TTN: variants seen among roughly 807,000 people sequenced by gnomAD.
The protein encoded by TTN is connectin.
In TTN, 1,525 loss-of-function variants were observed where a neutral mutation model predicts 3,223.0. The ratio of observed to expected loss-of-function variants is 0.47; its 90% CI spans 0.45 to 0.49. The LOEUF is 0.49. Ranked by LOEUF, TTN falls within the 20% of genes least tolerant of loss-of-function variation. The probability of loss-of-function intolerance (pLI) is 0.00; values close to 1 mark genes in which losing one functional copy is unlikely to be tolerated. For synonymous variants in TTN, 14,094 were observed against 15,161.0 expected, an observed-to-expected ratio of 0.93 and a Z score of 5.17; for missense variants, 40,786 against 43,424.0, an observed-to-expected ratio of 0.94 and a Z score of 5.40.
At position 178,663,829 on chromosome 2, in the gene TTN, T is replaced by G. The variant is rs2065266593; in HGVS notation, c.36438A>C (p.Pro12146=). Residue 12146 remains proline, a synonymous_variant, in exon 170 of 363, where the codon CCA becomes CCC. Transcript: ENST00000589042. ...GTCAGTGGCAACTACCTTTAACAGG[T>G]GGGACTTCAGGCTCTTTAGGAGGAG... is the stretch of plus-strand genomic sequence containing the variant. The part of the protein sequence containing the change: ...PLAPPKEPEV[P]PVKVPEPPKE... 4 of 1,613,384 alleles carry G rather than the reference T, an allele frequency of 2.5e-6. No individual in the cohort carries two copies. In the South Asian group the frequency reaches 4.4e-5, roughly 18 times the overall value.
chr2:178,709,514 T>C (rs996939036), intron 99 of TTN, 52 bp downstream of exon 99: 7 of 1,551,944 alleles, frequency 4.5e-6, no homozygotes, highest in Non-Finnish European at 5.2e-6. Context: ...CATGGATATA[T>C]AACAGGCAGT....
Position 178,570,928 on chromosome 2 carries a change from T to G in TTN, c.75204A>C (p.Val25068=), listed in dbSNP as rs1485443650. 1 of 1,613,586 alleles carries G rather than the reference T, an allele frequency of 6.2e-7. No homozygotes were observed. Among genetic ancestry groups the G allele is most frequent in the Non-Finnish European group, 8.5e-7 (1 of 1,179,618 alleles). ...FTNIIDTHFE[V]TGLVEDHRYE... ...ATCTGTGATCTTCAACTAGGCCAGT[T>G]ACTTCAAAATGAGTGTCAATAATAT... The change falls in exon 326 of 363, where the codon GTA becomes GTC. Residue 25068 remains valine, a synonymous_variant. Transcript: ENST00000589042.
rs780048908 is a variant in TTN at position 178,544,414 on chromosome 2, T to C, written c.95815A>G (p.Thr31939Ala). 5.6e-6 allele frequency: 9 copies of C among 1,613,782 alleles called. No individual in the cohort carries two copies. The Admixed American group carries it at 1.5e-4, about 27-fold the overall frequency. ...AWTKPMYDGG[T>A]DIVGYVLEMQ... The stretch of plus-strand genomic sequence containing the variant: ...TCCAGAACATATCCTACAATGTCAG[T>C]ACCACCATCGTACATGGGTTTGGTC... The change falls in exon 345 of 363, where the codon ACT becomes GCT. Residue 31939 changes from threonine to alanine, a missense_variant. Coordinates refer to ENST00000589042, the MANE Select transcript of TTN (RefSeq NM_001267550.2).
intron 2 of TTN, among the ~76,000 whole-genome samples, chr2:178,802,798 G>A (rs931878944): frequency 3.9e-5 from 6 of 152,208 alleles, no homozygotes; most frequent in Non-Finnish European, 7.3e-5. Context: ...TGCCTGACAA[G>A]CCCAGGAGGC....
Position 178,612,562 on chromosome 2 carries a change from G to T in TTN, c.49963C>A (p.Pro16655Thr). The change falls in exon 266 of 363, where the codon CCA becomes ACA. Residue 16655 changes from proline (P) to threonine (T), a missense_variant. Transcript: ENST00000589042. ...CREKLYPPSPPRWLEVINITK... is the reference protein window; with the variant it reads ...CREKLYPPSPTRWLEVINITK... ...ATATTAATAACTTCAAGCCAGCGTGGTGGTGATGGAGGATCTGAAAAAGAA... is the reference window on the plus strand; with the variant it reads ...ATATTAATAACTTCAAGCCAGCGTGTTGGTGATGGAGGATCTGAAAAAGAA... The T allele has an allele frequency of 6.2e-7, 1 of 1,609,732 alleles. No homozygotes were observed. The highest frequency in any genetic ancestry group is 2.2e-5 in the East Asian group (1 of 44,462).
rs1328042296 is a variant in TTN, at chr2:178,557,255, C to G, written c.88007G>C (p.Cys29336Ser). 6.2e-7 allele frequency: 1 copy of G among 1,613,816 alleles called. No individual in the cohort carries two copies. Among genetic ancestry groups the G allele is most frequent in the Non-Finnish European group, 8.5e-7 (1 of 1,179,836 alleles). The change falls in exon 329 of 363, where the codon TGT becomes TCT. Residue 29336 changes from cysteine (C) to serine (S), a missense_variant and splice_region_variant. Transcript: ENST00000589042. ...PSEPVLAIDA[C>S]EPPRNVRITD... is the part of the protein sequence containing the mutation. Reference sequence around the variant, plus strand: ...CCCTTCCCATGACAAATACGTACCACAAGCATCAATTGCCAAGACTGGTTC... The same window carrying G: ...CCCTTCCCATGACAAATACGTACCAGAAGCATCAATTGCCAAGACTGGTTC...
In TTN at chr2:178,634,959, AAGC is replaced by A; in HGVS notation, c.42025-113_42025-111del. 1 of 1,394,864 alleles carries A rather than the reference AAGC, an allele frequency of 7.2e-7. No individual in the cohort carries two copies. The highest frequency in any genetic ancestry group is 9.5e-7 in the Non-Finnish European group (1 of 1,050,856). The allele number at this position is 1,394,864 out of a possible 1,614,324, so 86.4% of individuals were successfully genotyped here. A position where few individuals can be genotyped will look rare whatever the true frequency, so the allele number is the denominator to read the frequency against. Reference sequence around the variant, plus strand: ...TTTAAAAATTACTACTAATAAAAGTAAGCAGAGAATTCCCTGTCATAACATTTT... The same window carrying A: ...TTTAAAAATTACTACTAATAAAAGTAAGAGAATTCCCTGTCATAACATTTT... On this transcript the variant is annotated intron_variant, in intron 228 of 362. Transcript: ENST00000589042. The surrounding 1 kb of genome is among the most constrained non-coding windows in gnomAD (Gnocchi z 4.6).
In TTN at chr2:178,566,021, C is replaced by A. The variant is rs780184497; in HGVS notation, c.80111G>T (p.Trp26704Leu). 1 of 1,613,544 alleles carries A rather than the reference C, an allele frequency of 6.2e-7. No homozygotes were observed. Among genetic ancestry groups the A allele is most frequent in the Non-Finnish European group, 8.5e-7 (1 of 1,179,614 alleles). ...EVRKDSAFLV[W>L]EPPIIDGGAK... ...CCCTCCATCAATGATGGGTGGCTCC[C>A]ATACCAGGAAGGCAGAATCTTTTCT... is the stretch of plus-strand genomic sequence containing the variant. The change falls in exon 326 of 363, where the codon TGG becomes TTG. Residue 26704 changes from tryptophan to leucine, a missense_variant. Transcript: ENST00000589042.
rs761096069 is a variant in TTN, at chr2:178,800,510, G to A, written c.468C>T (p.Gly156=). ...SSLDFQISQE[G]DLYSLLIAEA... ...CTGCAATCAGTAAGCTGTAGAGGTC[G>A]CCTTCTTGTGAAATTTGGAAATCAA... is the stretch of plus-strand genomic sequence containing the variant. Residue 156 remains glycine (G), a synonymous_variant, in exon 4 of 363, where the codon GGC becomes GGT. Transcript: ENST00000589042. 2.0e-5 allele frequency: 33 copies of A among 1,614,000 alleles called. No homozygotes were observed. In the East Asian group the frequency reaches 2.7e-4, roughly 13 times the overall value.
rs1708371237 is a variant in TTN, at chr2:178,572,014, T to C, written c.74118A>G (p.Pro24706=). The C allele has an allele frequency of 1.2e-6, 2 of 1,613,316 alleles. No homozygotes were observed. Among genetic ancestry groups the C allele is most frequent in the Non-Finnish European group, 1.7e-6 (2 of 1,179,580 alleles). ...GISDPRQLSV[P]VIAKDLVIPP... ...GAATGACAAGATCTTTGGCGATCAC[T>C]GGCACACTCAGTTGTCTAGGATCAC... Residue 24706 remains proline, a synonymous_variant, in exon 326 of 363, where the codon CCA becomes CCG. Transcript: ENST00000589042.
At chr2:178,711,401 C>T (rs2076633023) in intron 96 of TTN, 52 bp from the exon 97 acceptor site, 1 of 1,502,630 alleles carries the variant, frequency 6.7e-7, no homozygotes, top group Non-Finnish European at 8.9e-7. Flanking sequence ...AAATGCTCTT[C>T]TCACAATTAT....
chr2:178,588,540 A>G lies in TTN; in HGVS notation c.63185T>C (p.Ile21062Thr), dbSNP rs575313522. The change falls in exon 304 of 363, where the codon ATA (isoleucine) becomes ACA (threonine). Residue 21062 changes from isoleucine (I) to threonine (T), a missense_variant and splice_region_variant. Physicochemically the swap from Ile to Thr is moderately conservative, Grantham distance 89. Coordinates refer to ENST00000589042, the MANE Select transcript of TTN (RefSeq NM_001267550.2). Reference protein sequence around the residue: ...PSRPVVAKDPIEPPGPPTNFR... With the variant: ...PSRPVVAKDPTEPPGPPTNFR... ...CAGAAAAAACAAGGACATCCTACCT[A>G]TGGGGTCTTTTGCCACCACCGGTCT... 9.8e-6 allele frequency: 15 copies of G among 1,523,724 alleles called. No homozygotes were observed. In the South Asian group the frequency reaches 1.1e-4, roughly 11 times the overall value. 94.4% of individuals were successfully genotyped at this position (1,523,724 alleles called of 1,614,324 possible).
At position 178,559,769 on chromosome 2, in the gene TTN, C is replaced by T. The variant is rs1064793814; in HGVS notation, c.86363G>A (p.Trp28788Ter). The change falls in exon 326 of 363, where the codon TGG becomes TAG. Residue 28788 changes from tryptophan to a stop codon, truncating the protein, a stop_gained. Coordinates refer to ENST00000589042, the MANE Select transcript of TTN (RefSeq NM_001267550.2). LOFTEE classifies it high-confidence loss of function. Reference protein sequence around the residue: ...FRGRPVPNVLWSKPDTDLRTR... With the variant: ...FRGRPVPNVL ...ACGGAGGTCAGTGTCTGGCTTACTC[C>T]ACAAGACATTGGGTACTGGTCTTCC... 1 of 1,602,694 alleles carries T rather than the reference C, an allele frequency of 6.2e-7. No individual in the cohort carries two copies. Among genetic ancestry groups the T allele is most frequent in the Non-Finnish European group, 8.5e-7 (1 of 1,174,394 alleles).
Position 178,546,522 on chromosome 2 carries a change from A to G in TTN, c.94829-20T>C, listed in dbSNP as rs1178304926. On this transcript the variant is annotated intron_variant, in intron 341 of 362. Coordinates refer to ENST00000589042, the MANE Select transcript of TTN (RefSeq NM_001267550.2). ...GTGGAGCTGTCAGTAGGCAAAACAG[A>G]TATGAATGAATATCTGAGAGTTTAT... 6.2e-7 allele frequency: 1 copy of G among 1,602,294 alleles called. No homozygotes were observed. Among genetic ancestry groups the G allele is most frequent in the African/African-American group, 1.3e-5 (1 of 74,494 alleles).
chr2:178,557,974 T>C lies in TTN; in HGVS notation c.87380A>G (p.Lys29127Arg), dbSNP rs1351987923. ...TAGCACAACAATGTTAATGAAAGCTTTGGTTGTACCACTGGAGTTGGCAGC... is the reference window on the plus strand; with the variant it reads ...TAGCACAACAATGTTAATGAAAGCTCTGGTTGTACCACTGGAGTTGGCAGC... ...ITAANSSGTT[K>R]AFINIVVLDR... The change falls in exon 328 of 363, where the codon AAA (lysine) becomes AGA (arginine). Residue 29127 changes from lysine (K) to arginine (R), a missense_variant. Transcript: ENST00000589042. 1 of 1,613,388 alleles carries C rather than the reference T, an allele frequency of 6.2e-7. No homozygotes were observed. The highest frequency in any genetic ancestry group is 8.5e-7 in the Non-Finnish European group (1 of 1,179,870).
chr2:178,684,220 A>G (rs2070209241), intron 132 of TTN, 110 bp downstream of exon 132: 2 of 1,349,038 alleles, frequency 1.5e-6, no homozygotes, highest in African/African-American at 3.0e-5. Flanking sequence ...TAACAACAAC[A>G]ACAACATCAA....
chr2:178,749,318 C>G lies in TTN; in HGVS notation c.11311+3806G>C, dbSNP rs148202542. 2.1e-5 allele frequency: 34 copies of G among 1,612,144 alleles called. No homozygotes were observed. The African/African-American group carries it at 4.5e-4, about 22-fold the overall frequency. On this transcript the variant is annotated intron_variant, in intron 47 of 362. Transcript: ENST00000589042. ...TTTTTCACTTACATGTCTCTCTTTCCCTTCAGCCTGACATTGTATGAATTC... is the reference window on the plus strand; with the variant it reads ...TTTTTCACTTACATGTCTCTCTTTCGCTTCAGCCTGACATTGTATGAATTC...
rs745424387 is a variant in TTN, at chr2:178,572,607, A to T, written c.73525T>A (p.Ser24509Thr). The T allele has an allele frequency of 3.7e-6, 6 of 1,613,304 alleles. No individual in the cohort carries two copies. Among genetic ancestry groups the T allele is most frequent in the Non-Finnish European group, 5.1e-6 (6 of 1,179,566 alleles). The change falls in exon 326 of 363, where the codon TCT becomes ACT. Residue 24509 changes from serine (S) to threonine (T), a missense_variant. Physicochemically the swap from Ser to Thr is moderately conservative, Grantham distance 58 (BLOSUM62 1). Coordinates refer to ENST00000589042, the MANE Select transcript of TTN (RefSeq NM_001267550.2). ...LTVENSSGSK[S>T]AFVNVRVLDT... ...AGAACTCTAACATTGACAAATGCAGACTTGCTGCCTGAACTATTTTCTACA... is the reference window on the plus strand; with the variant it reads ...AGAACTCTAACATTGACAAATGCAGTCTTGCTGCCTGAACTATTTTCTACA...
intron 71 of TTN, chr2:178,724,794 A>G: frequency 3.1e-6 from 1 of 325,220 alleles, no homozygotes; most frequent in East Asian, 5.1e-5. Flanking sequence ...TGTAGCAATT[A>G]TTCTTAAGAA....
Sources: gnomAD v4.1 joint callset for allele counts (sites outside exome capture counted in the v4.1 genomes callset) on GRCh38, gnomAD v4.1.1 for gene constraint, Gnocchi (gnomAD v3.1) non-coding constraint, MANE v1.5 for transcripts, NCBI Gene and HGNC (gene_info 2026-07-23, HGNC 2026-07-21) for gene names.